PKD1L3: variants seen among roughly 807,000 people sequenced by gnomAD.
PKD1L3 encodes the protein polycystin 1 like 3, transient receptor potential channel interacting, also known as polycystin-1-like protein 3.
Under a neutral mutation model 184.1 loss-of-function variants are expected in PKD1L3, and 239 were observed. The observed-to-expected ratio is 1.30, with a 90% confidence interval of 1.17 to 1.45. The LOEUF is 1.45. Among genes scored for constraint, PKD1L3 ranks in the 40% most tolerant of loss-of-function variants. The probability of loss-of-function intolerance (pLI) is 0.00; values close to 1 mark genes in which losing one functional copy is unlikely to be tolerated. For synonymous variants in PKD1L3, 996 were observed against 778.8 expected (o/e 1.28, Z -4.64); for missense variants, 2,660 against 2,067.2 (o/e 1.29, Z -5.56).
intron 13 of PKD1L3, among the ~76,000 whole-genome samples, chr16:71,969,275 C>G (rs1440758182): frequency 1.3e-5 from 2 of 152,066 alleles, no homozygotes; most frequent in Non-Finnish European, 2.9e-5. Flanking sequence ...GTAAGATAAA[C>G]TTGCATTTAA....
chr16:71,960,529 A>C (rs984697903), intron 16 of PKD1L3, among the ~76,000 whole-genome samples: 8 of 149,026 alleles, frequency 5.4e-5, no homozygotes, highest in Non-Finnish European at 1.2e-4. Context: ...GATCAAAGGG[A>C]GACCTATATA....
chr16:71,993,130 T>C, intron 3 of PKD1L3, 86 bp downstream of exon 3: 1 of 946,716 alleles, frequency 1.1e-6, no homozygotes, highest in South Asian at 1.7e-5. Flanking sequence ...TTATAACACA[T>C]TTCAGCATTA....
Position 71,967,234 on chromosome 16 carries a change from C to G in PKD1L3, c.2368G>C (p.Gly790Arg). ...GTGAGAAGGAAGACATCCAGGCCCC[C>G]TCGTTCAAAGACTGTCTTCTGGGGG... ...CDPQKTVFERGGLDVFLLTTW... is the reference protein window; with the variant it reads ...CDPQKTVFERRGLDVFLLTTW... The change falls in exon 15 of 30, where the codon GGG (glycine) becomes CGG (arginine). Residue 790 changes from glycine to arginine, a missense_variant. By Grantham distance (125) the Gly-to-Arg change is moderately radical (BLOSUM62 -2). Transcript: ENST00000620267. 1 of 1,551,686 alleles carries G rather than the reference C, an allele frequency of 6.4e-7. No individual in the cohort carries two copies. Among genetic ancestry groups the G allele is most frequent in the East Asian group, 2.4e-5 (1 of 40,920 alleles).
At chr16:71,968,221 G>C (rs2143594075) in intron 13 of PKD1L3, among the ~76,000 whole-genome samples, 1 of 152,268 alleles carries the variant, frequency 6.6e-6, no homozygotes, top group East Asian at 1.9e-4. Flanking sequence ...TGCCTCTCAA[G>C]TGAAACAGTC....
Position 71,973,309 on chromosome 16 carries a change from G to C in PKD1L3, c.1953+15C>G, listed in dbSNP as rs372702011. The C allele has an allele frequency of 1.9e-6, 3 of 1,550,310 alleles. No homozygotes were observed. The highest frequency in any genetic ancestry group is 2.6e-6 in the Non-Finnish European group (3 of 1,146,200). On this transcript the variant is annotated intron_variant, in intron 12 of 29. Coordinates refer to ENST00000620267, the MANE Select transcript of PKD1L3 (RefSeq NM_181536.2). ...ATGGCAGAAGAGAGGCCCAAGAAGC[G>C]GCTCAGTTTCTTACTTGGCATCCGG...
At chr16:71,971,991 C>T (rs937964621) in intron 12 of PKD1L3, among the ~76,000 whole-genome samples, 2 of 151,560 alleles carry the variant, frequency 1.3e-5, no homozygotes, top group South Asian at 2.1e-4. Context: ...CCGAGGCAGG[C>T]GGATCACGAG....
chr16:71,976,999 T>C (rs2143693027), intron 11 of PKD1L3, among the ~76,000 whole-genome samples: 1 of 152,320 alleles, frequency 6.6e-6, no homozygotes, highest in Non-Finnish European at 1.5e-5. Context: ...CGCCTCGGCC[T>C]CCCAAAGTGC....
intron 4 of PKD1L3, among the ~76,000 whole-genome samples, chr16:71,986,871 G>A (rs893876483): frequency 6.7e-6 from 1 of 148,918 alleles, no homozygotes; most frequent in Non-Finnish European, 1.5e-5. Flanking sequence ...GCTAAGCAGA[G>A]AGAAAGTGGA....
At chr16:71,998,452 AT>A in intron 1 of PKD1L3, 58 bp from the exon 2 acceptor site, 3 of 1,512,170 alleles carry the variant, frequency 2.0e-6, no homozygotes, top group Non-Finnish European at 2.6e-6. Context: ...TTTTAGGTTT[AT>A]TTTTTATTAT....
intron 16 of PKD1L3, among the ~76,000 whole-genome samples, chr16:71,958,926 A>T (rs2039160851): frequency 6.6e-6 from 1 of 151,116 alleles, no homozygotes; most frequent in African/African-American, 2.4e-5. Context: ...GTCTCTAATA[A>T]AATACAAAAA....
intron 15 of PKD1L3, among the ~76,000 whole-genome samples, chr16:71,965,403 G>C (rs1347944533): frequency 1.3e-5 from 2 of 152,088 alleles, no homozygotes; most frequent in African/African-American, 2.4e-5. Flanking sequence ...ACCTATGAGT[G>C]TGATTTCTGG....
At chr16:71,991,553 G>C (rs2040591156) in intron 3 of PKD1L3, among the ~76,000 whole-genome samples, 1 of 152,152 alleles carries the variant, frequency 6.6e-6, no homozygotes, top group Non-Finnish European at 1.5e-5. Context: ...TAAATGTAAG[G>C]TGCTCTCCTA....
At chr16:71,940,814 T>C (rs543864428) in intron 24 of PKD1L3, among the ~76,000 whole-genome samples, 3 of 145,682 alleles carry the variant, frequency 2.1e-5, no homozygotes, top group Non-Finnish European at 3.0e-5. Context: ...ACAGAGCTTA[T>C]AATTAGCATT....
chr16:71,967,460 T>C, intron 14 of PKD1L3, 145 bp from the exon 15 acceptor site: 2 of 847,204 alleles, frequency 2.4e-6, no homozygotes, highest in Non-Finnish European at 3.5e-6. Context: ...TCTTCATATA[T>C]GCAGTATAGA....
chr16:71,938,383 T>A (rs1597282455), intron 24 of PKD1L3, among the ~76,000 whole-genome samples: 2 of 152,110 alleles, frequency 1.3e-5, no homozygotes, highest in Non-Finnish European at 2.9e-5. Flanking sequence ...GGCCCGCAGG[T>A]GCCCCTTGGC....
At chr16:71,930,303 G>A in intron 28 of PKD1L3, 120 bp from the exon 29 acceptor site, 2 of 1,024,214 alleles carry the variant, frequency 2.0e-6, no homozygotes, top group Non-Finnish European at 1.3e-6. Context: ...AGGAAACTTA[G>A]GGAGAGAGTC....
chr16:71,979,667 A>C, intron 9 of PKD1L3, 119 bp downstream of exon 9: 1 of 1,212,054 alleles, frequency 8.3e-7, no homozygotes, highest in Non-Finnish European at 1.1e-6. Flanking sequence ...TGCTACATAA[A>C]CTCTCTCATC....
At chr16:71,998,640 G>A (rs1044485925) in intron 1 of PKD1L3, among the ~76,000 whole-genome samples, 3 of 151,936 alleles carry the variant, frequency 2.0e-5, no homozygotes, top group Admixed American at 2.0e-4. Flanking sequence ...TAGTAGAGAT[G>A]GGGTTTCACC....
chr16:71,963,421 C>T (rs2039363278), intron 15 of PKD1L3, 70 bp from the exon 16 acceptor site: 1 of 1,397,482 alleles, frequency 7.2e-7, no homozygotes, highest in Non-Finnish European at 9.6e-7. Flanking sequence ...AAGACGTAAT[C>T]TCAGACCATT....
Sources: allele counts gnomAD v4.1 joint callset (sites outside exome capture counted in the v4.1 genomes callset), GRCh38; gene constraint gnomAD v4.1.1; transcripts MANE v1.5; gene names NCBI Gene and HGNC (gene_info 2026-07-23, HGNC 2026-07-21).